The following COL4A3 variants were observed in gnomAD, a reference collection of about 807,000 sequenced individuals.
The protein encoded by COL4A3 is collagen type IV alpha 3 chain, also known as collagen alpha-3(IV) chain.
Under a neutral mutation model 217.4 loss-of-function variants are expected in COL4A3, and 135 were observed. That is an observed-to-expected ratio of 0.62 (90% CI 0.54 to 0.72). COL4A3 has a LOEUF of 0.72. COL4A3 is among the 30% of genes least tolerant of loss of function. COL4A3 has a pLI of 0.00. For synonymous variants in COL4A3, 690 were observed against 736.3 expected (o/e 0.94, Z 1.02); for missense variants, 1,868 against 2,119.9 (o/e 0.88, Z 2.33).
Position 227,253,531 on chromosome 2 carries a change from T to C in COL4A3, c.688-30T>C. The C allele has an allele frequency of 6.3e-7, 1 of 1,581,682 alleles. No individual in the cohort carries two copies. Among genetic ancestry groups the C allele is most frequent in the Non-Finnish European group, 8.7e-7 (1 of 1,150,470 alleles). On this transcript the variant is annotated intron_variant, in intron 12 of 51. Transcript: ENST00000396578. The surrounding 1 kb of genome is among the most constrained non-coding windows in gnomAD (Gnocchi z 4.4). ...TTGAAATGTTGATGCTGTTGTTTAT[T>C]TTCTCACTCCTGAGTGTTTTTGTCT...
intron 23 of COL4A3, 103 bp downstream of exon 23, chr2:227,267,191 A>G (rs1277719885): frequency 1.9e-5 from 16 of 832,730 alleles, no homozygotes; most frequent in Non-Finnish European, 2.0e-5. Context: ...CGTGGTTTAG[A>G]TGAACTTGGA....
intron 4 of COL4A3, 68 bp from the exon 5 acceptor site, chr2:227,244,883 T>C: frequency 1.4e-6 from 2 of 1,458,046 alleles, no homozygotes; most frequent in Non-Finnish European, 1.9e-6. Context: ...AATAAATTTA[T>C]GTTTATAGAT....
chr2:227,256,139 A>T lies in COL4A3; in HGVS notation c.933+69A>T, dbSNP rs569102804. On this transcript the variant is annotated intron_variant, in intron 16 of 51. Coordinates refer to ENST00000396578, the MANE Select transcript of COL4A3 (RefSeq NM_000091.5). ...CCTACTAGCTGAAGAAGGATTTTTT[A>T]AAATCACTAAATAGTTATAAACAAA... is the stretch of plus-strand genomic sequence containing the variant. 233 of 1,462,282 alleles carry T rather than the reference A, an allele frequency of 1.6e-4. No individual in the cohort carries two copies. The Admixed American group carries it at 3.5e-3, about 22-fold the overall frequency. 90.6% of individuals were successfully genotyped at this position (1,462,282 alleles called of 1,614,324 possible). A position where few individuals can be genotyped will look rare whatever the true frequency, so the allele number is the denominator to read the frequency against.
chr2:227,224,017 GA>G (rs1228309466), intron 1 of COL4A3, among the ~76,000 whole-genome samples: 2 of 152,214 alleles, frequency 1.3e-5, no homozygotes, highest in Non-Finnish European at 2.9e-5. Flanking sequence ...AAGCAGGCCA[GA>G]CTGCTGGGCA....
At position 227,282,173 on chromosome 2, in the gene COL4A3, G is replaced by A. The variant is rs975411479; in HGVS notation, c.2489-192G>A. Among the ~76,000 whole-genome samples, 2 of 151,888 alleles carry A rather than the reference G, an allele frequency of 1.3e-5. No individual in the cohort carries two copies. The highest frequency in any genetic ancestry group is 2.4e-5 in the African/African-American group (1 of 41,324). ...TGTAGTCCCAGCTATTTGGGAGGCT[G>A]ACGCAGGAGAATCACTTGAACCAGG... On this transcript the variant is annotated intron_variant, in intron 31 of 51. Coordinates refer to ENST00000396578, the MANE Select transcript of COL4A3 (RefSeq NM_000091.5). The surrounding 1 kb of genome is among the most constrained non-coding windows in gnomAD (Gnocchi z 4.4).
At chr2:227,230,275 C>T (rs2068329883) in intron 1 of COL4A3, among the ~76,000 whole-genome samples, 2 of 152,106 alleles carry the variant, frequency 1.3e-5, no homozygotes, top group South Asian at 4.2e-4. Flanking sequence ...ATGATTTCCA[C>T]AAGTTTAACT....
At chr2:227,283,700 A>G in intron 32 of COL4A3, 67 bp from the exon 33 acceptor site, 1 of 1,252,810 alleles carries the variant, frequency 8.0e-7, no homozygotes. Flanking sequence ...TTATTTTAGT[A>G]TATGGAATAT....
chr2:227,221,739 C>T (rs997074073), intron 1 of COL4A3, among the ~76,000 whole-genome samples: 2 of 151,888 alleles, frequency 1.3e-5, no homozygotes, highest in Non-Finnish European at 2.9e-5. Context: ...GTTTTCTTCC[C>T]CCTGTTAGAA....
intron 44 of COL4A3, among the ~76,000 whole-genome samples, chr2:227,303,472 A>AACCT (rs2073376666): frequency 6.6e-6 from 1 of 152,226 alleles, no homozygotes; most frequent in Non-Finnish European, 1.5e-5. Flanking sequence ...GAAAGTAGGT[A>AACCT]ACTATGACAA....
At chr2:227,209,173 CAG>C (rs1390874773) in intron 1 of COL4A3, among the ~76,000 whole-genome samples, 2 of 152,238 alleles carry the variant, frequency 1.3e-5, no homozygotes, top group African/African-American at 4.8e-5. Flanking sequence ...CTGTTCCAAA[CAG>C]GGGTACTTGA....
At chr2:227,241,685 C>CATGT (rs55737107) in intron 3 of COL4A3, among the ~76,000 whole-genome samples, 9 of 151,510 alleles carry the variant, frequency 5.9e-5, no homozygotes, top group African/African-American at 1.9e-4. Flanking sequence ...AAAATATATA[C>CATGT]GTGTGTGTAT....
chr2:227,264,167 G>C (rs898404120), intron 21 of COL4A3, among the ~76,000 whole-genome samples: 18 of 152,250 alleles, frequency 1.2e-4, no homozygotes, highest in African/African-American at 3.6e-4. Context: ...CCAGAGAGCA[G>C]AGTAGGAGGC....
At chr2:227,199,458 C>T (rs796540442) in intron 1 of COL4A3, among the ~76,000 whole-genome samples, 97 of 152,302 alleles carry the variant, frequency 6.4e-4, no homozygotes, top group African/African-American at 2.2e-3. Context: ...TAGTTCACTT[C>T]GGCTCATTCA....
At chr2:227,257,571 T>C (rs1044171092) in intron 17 of COL4A3, 32 bp from the exon 18 acceptor site, 3 of 1,596,386 alleles carry the variant, frequency 1.9e-6, no homozygotes, top group Non-Finnish European at 2.6e-6. Flanking sequence ...TGGGTGACCA[T>C]ATTCACAATT....
intron 41 of COL4A3, among the ~76,000 whole-genome samples, chr2:227,295,555 A>C (rs925503372): frequency 6.6e-6 from 1 of 152,246 alleles, no homozygotes. Context: ...AGTCTTGAAA[A>C]GTAAAAAGGA....
Position 227,300,479 on chromosome 2 carries a change from T to C in COL4A3, c.3882+1667T>C, listed in dbSNP as rs552259828. Among the ~76,000 whole-genome samples the C allele has an allele frequency of 3.7e-4, 57 of 152,340 alleles. 1 individual carries two copies. The South Asian group carries it at 3.9e-3, about 11-fold the overall frequency. On this transcript the variant is annotated intron_variant, in intron 43 of 51. Transcript: ENST00000396578. The stretch of plus-strand genomic sequence containing the variant: ...CCCAAGCCTGCAATCTCTCAATTCA[T>C]ATTCTCTCTCTCAACACCACAGCCG...
At chr2:227,204,659 A>G (rs1237528802) in intron 1 of COL4A3, among the ~76,000 whole-genome samples, 1 of 152,206 alleles carries the variant, frequency 6.6e-6, no homozygotes, top group Non-Finnish European at 1.5e-5. Flanking sequence ...CTAGCTGGAC[A>G]CAAGTACCAA....
At chr2:227,274,337 C>A (rs2071428058) in intron 26 of COL4A3, among the ~76,000 whole-genome samples, 1 of 151,952 alleles carries the variant, frequency 6.6e-6, no homozygotes, top group East Asian at 1.9e-4. Context: ...AGTGTCTTCC[C>A]TCATCAGTAA....
intron 1 of COL4A3, among the ~76,000 whole-genome samples, chr2:227,206,224 C>T (rs931651553): frequency 6.6e-6 from 1 of 152,090 alleles, no homozygotes. Context: ...CAGGCACCCG[C>T]CACCACACCC....
Sources: gnomAD v4.1 joint callset for allele counts (sites outside exome capture counted in the v4.1 genomes callset) on GRCh38, gnomAD v4.1.1 for gene constraint, Gnocchi (gnomAD v3.1) non-coding constraint, MANE v1.5 for transcripts, NCBI Gene and HGNC (gene_info 2026-07-23, HGNC 2026-07-21) for gene names.